Variants in ZMYM6 observed in about 807,000 individuals in gnomAD.
The protein encoded by ZMYM6 is zinc finger MYM-type protein 6.
In ZMYM6, 90 loss-of-function variants were observed where a neutral mutation model predicts 134.0. The ratio of observed to expected loss-of-function variants is 0.67; its 90% confidence interval spans 0.57 to 0.80. The LOEUF is 0.80. Ranked by LOEUF, ZMYM6 falls within the 30% of genes least tolerant of loss-of-function variation. The probability of loss-of-function intolerance (pLI) is 0.00; values close to 1 mark genes in which losing one functional copy is unlikely to be tolerated. For synonymous variants in ZMYM6, 481 were observed against 524.1 expected (o/e 0.92, Z 1.12); for missense variants, 1,362 against 1,533.9 (o/e 0.89, Z 1.87).
intron 15 of ZMYM6, among the ~76,000 whole-genome samples, chr1:34,991,366 A>T (rs543968829): frequency 2.0e-5 from 3 of 152,344 alleles, no homozygotes; most frequent in African/African-American, 7.2e-5. Context: ...GGAAAACAGG[A>T]TTCTGCTTGA....
chr1:35,014,151 C>A (rs954034057), intron 6 of ZMYM6, among the ~76,000 whole-genome samples: 3 of 152,178 alleles, frequency 2.0e-5, no homozygotes, highest in Admixed American at 1.3e-4. Context: ...CAAATAATTA[C>A]AATTCATTCC....
chr1:35,030,798 AC>A, intron 1 of ZMYM6, 85 bp from the exon 2 acceptor site: 2 of 658,724 alleles, frequency 3.0e-6, no homozygotes, highest in Non-Finnish European at 2.5e-6. Context: ...ATGAGGCTTC[AC>A]GGCTCGGCAT....
intron 3 of ZMYM6, 56 bp downstream of exon 3, chr1:35,020,327 T>A: frequency 6.7e-7 from 1 of 1,486,874 alleles, no homozygotes; most frequent in Non-Finnish European, 9.2e-7. Context: ...CCCTCAATTT[T>A]AAAAGTCAGA....
chr1:35,006,997 C>T lies in ZMYM6; in HGVS notation c.1767G>A (p.Glu589=). Residue 589 remains glutamate (E), a synonymous_variant, in exon 12 of 16, where the codon GAG becomes GAA. Transcript: ENST00000357182. The part of the protein sequence containing the change: ...KHFCNLFCVL[E]FCHQQIMNDC... ...CATTCATAATTTGCTGATGACAAAA[C>T]TCCAAGACACAAAATAGGTTACAGA... The T allele has an allele frequency of 6.2e-7, 1 of 1,612,488 alleles. No homozygotes were observed. Among genetic ancestry groups the T allele is most frequent in the Admixed American group, 1.7e-5 (1 of 59,702 alleles).
chr1:35,011,148 T>C, intron 8 of ZMYM6, 112 bp from the exon 9 acceptor site: 1 of 1,159,248 alleles, frequency 8.6e-7, no homozygotes, highest in East Asian at 2.6e-5. Context: ...TTTTTTAAAA[T>C]TTTCTATCTC....
rs1022685514 is a variant in ZMYM6, at chr1:34,987,888, G to A, written c.3194C>T (p.Pro1065Leu). The change falls in exon 16 of 16, where the codon CCG (proline) becomes CTG (leucine). Residue 1065 changes from proline to leucine, a missense_variant. By Grantham distance (98) the Pro-to-Leu change is moderately conservative. Coordinates refer to ENST00000357182, the MANE Select transcript of ZMYM6 (RefSeq NM_007167.4). ...EEMGSEHVSL[P>L]LHAEVRWISR... ...TATCCAACGTACTTCAGCATGAAGC[G>A]GTAAACTCACATGCTCAGATCCCAT... The A allele has an allele frequency of 9.0e-6, 14 of 1,551,546 alleles. No homozygotes were observed. The highest frequency in any genetic ancestry group is 2.0e-5 in the Admixed American group (1 of 50,982).
chr1:35,018,071 G>A (rs1435953060), intron 4 of ZMYM6: 2 of 152,142 alleles, frequency 1.3e-5, no homozygotes, highest in Non-Finnish European at 2.9e-5. Flanking sequence ...CTGGCCACAT[G>A]TGATGGCTCA....
chr1:35,002,530 A>G (rs1416659547), intron 14 of ZMYM6, among the ~76,000 whole-genome samples: 2 of 152,178 alleles, frequency 1.3e-5, no homozygotes, highest in Non-Finnish European at 2.9e-5. Context: ...GGCAGCACTG[A>G]TCTTGCAACT....
At chr1:35,015,949 T>C (rs1026957033) in intron 4 of ZMYM6, among the ~76,000 whole-genome samples, 62 of 144,554 alleles carry the variant, frequency 4.3e-4, no homozygotes, top group South Asian at 1.1e-3. Context: ...TTCTTTCTTT[T>C]TTTTTTTTTT....
chr1:35,009,387 G>A (rs980322969), intron 10 of ZMYM6, among the ~76,000 whole-genome samples: 4 of 152,362 alleles, frequency 2.6e-5, no homozygotes, highest in African/African-American at 9.6e-5. Flanking sequence ...ATACAGGCGT[G>A]AGCCACTGCG....
chr1:35,010,286 G>A (rs574478027), intron 10 of ZMYM6, among the ~76,000 whole-genome samples, 161 bp downstream of exon 10: 1 of 152,302 alleles, frequency 6.6e-6, no homozygotes, highest in African/African-American at 2.4e-5. Context: ...CTCCCAAAAT[G>A]CTGGGATTAC....
At chr1:35,020,568 CTTTTTTTT>C (rs942213398) in intron 2 of ZMYM6, 101 bp from the exon 3 acceptor site, 3 of 241,462 alleles carry the variant, frequency 1.2e-5, no homozygotes, top group Admixed American at 6.9e-5. Flanking sequence ...TATTCATCTC[CTTTTTTTT>C]TTTTTTTTTT....
chr1:35,031,315 A>G (rs1178952001), intron 1 of ZMYM6: 1 of 152,392 alleles, frequency 6.6e-6, no homozygotes, highest in East Asian at 1.9e-4. Flanking sequence ...AGCCCCTCAG[A>G]GCCCCGCTTC....
At position 34,987,994 on chromosome 1, in the gene ZMYM6, G is replaced by T. The variant is rs1640603369; in HGVS notation, c.3088C>A (p.Leu1030Ile). The stretch of plus-strand genomic sequence containing the variant: ...CTTAAAATTTGTGCTGACTGCAAAA[G>T]AATTTTATGTAAACATGGAGACAAC... Reference protein sequence around the residue: ...EKLSPCLHKILLQSAQILSFI... With the variant: ...EKLSPCLHKIILQSAQILSFI... The change falls in exon 16 of 16, where the codon CTT (leucine) becomes ATT (isoleucine). Residue 1030 changes from leucine (L) to isoleucine (I), a missense_variant. This residue lies in a region of ZMYM6 where 824 missense variants were observed against 940.9 expected (regional missense o/e 0.88). Transcript: ENST00000357182. 7.7e-6 allele frequency: 12 copies of T among 1,551,224 alleles called. No homozygotes were observed. Among genetic ancestry groups the T allele is most frequent in the East Asian group, 7.3e-5 (3 of 40,914 alleles).
chr1:35,022,874 AG>A (rs754302955), intron 2 of ZMYM6, among the ~76,000 whole-genome samples: 14 of 152,322 alleles, frequency 9.2e-5, no homozygotes, highest in Non-Finnish European at 1.9e-4. Flanking sequence ...TCAACATAAC[AG>A]TAATGACTAT....
At chr1:35,019,743 G>T in intron 3 of ZMYM6, 141 bp from the exon 4 acceptor site, 1 of 1,018,862 alleles carries the variant, frequency 9.8e-7, no homozygotes, top group Non-Finnish European at 1.4e-6. Flanking sequence ...TGCAATCAAG[G>T]CTCACTGAAG....
At chr1:34,991,535 C>T (rs1047179233) in intron 15 of ZMYM6, among the ~76,000 whole-genome samples, 4 of 151,882 alleles carry the variant, frequency 2.6e-5, no homozygotes, top group South Asian at 2.1e-4. Context: ...TTTGGGAGGC[C>T]GAGGCAGGCA....
chr1:34,992,808 ATATACT>A (rs1261412837), intron 14 of ZMYM6, among the ~76,000 whole-genome samples: 8 of 144,494 alleles, frequency 5.5e-5, no homozygotes, highest in African/African-American at 7.6e-5. Context: ...AAATATAAAA[ATATACT>A]TATAAACTAT....
At chr1:35,014,952 T>C in intron 5 of ZMYM6, 36 bp downstream of exon 5, 1 of 1,609,788 alleles carries the variant, frequency 6.2e-7, no homozygotes, top group African/African-American at 1.3e-5. Context: ...AAAATCTCTT[T>C]CAGCAGAATC....
Sources: gnomAD v4.1 joint callset for allele counts (sites outside exome capture counted in the v4.1 genomes callset) on GRCh38, gnomAD v4.1.1 for gene constraint, gnomAD v4.1.1 regional missense constraint, MANE v1.5 for transcripts, NCBI Gene and HGNC (gene_info 2026-07-23, HGNC 2026-07-21) for gene names.